Variants in KIF6 observed in about 807,000 individuals in gnomAD.
The protein encoded by KIF6 is kinesin family member 6.
Under a neutral mutation model 112.7 loss-of-function variants are expected in KIF6, and 106 were observed. That is an observed-to-expected ratio of 0.94 (90% CI 0.80 to 1.11). The LOEUF (loss-of-function observed/expected upper bound fraction) is 1.11, where lower values mean the gene tolerates loss of function less well. KIF6 is among the 50% of genes least tolerant of loss of function. The pLI, the probability that KIF6 is intolerant of heterozygous loss-of-function variation, is 0.00. For synonymous variants in KIF6, 339 were observed against 339.9 expected (o/e 1.00, Z 0.03); for missense variants, 929 against 964.0 (o/e 0.96, Z 0.48).
intron 15 of KIF6, among the ~76,000 whole-genome samples, chr6:39,403,621 C>A (rs1400894457): frequency 1.3e-5 from 2 of 152,204 alleles, no homozygotes; most frequent in Non-Finnish European, 2.9e-5. Flanking sequence ...CAAACATCTG[C>A]ATACAAGTTT....
intron 3 of KIF6, among the ~76,000 whole-genome samples, chr6:39,685,528 A>G (rs1269804386): frequency 2.6e-5 from 4 of 152,246 alleles, no homozygotes; most frequent in Non-Finnish European, 4.4e-5. Context: ...TGAACATACC[A>G]GAGAAGCGTA....
At chr6:39,546,868 C>T (rs142126711) in intron 10 of KIF6, among the ~76,000 whole-genome samples, 22 of 151,558 alleles carry the variant, frequency 1.5e-4, no homozygotes, top group Non-Finnish European at 2.9e-4. Flanking sequence ...CATAGCACCA[C>T]GTGCCAATGT....
chr6:39,396,636 C>T (rs1430884409), intron 15 of KIF6, among the ~76,000 whole-genome samples: 2 of 152,138 alleles, frequency 1.3e-5, no homozygotes, highest in African/African-American at 4.8e-5. Context: ...TGACCCTAGG[C>T]TACTTAATCC....
chr6:39,460,536 T>TAAAAAAAAAAA (rs759528125), intron 13 of KIF6, among the ~76,000 whole-genome samples: 36 of 57,074 alleles, frequency 6.3e-4, no homozygotes, highest in Non-Finnish European at 8.2e-4. Context: ...AAAAAAAAAG[T>TAAAAAAAAAAA]AAAAAAAAAA....
At chr6:39,688,971 C>T (rs921656490) in intron 3 of KIF6, among the ~76,000 whole-genome samples, 1 of 151,952 alleles carries the variant, frequency 6.6e-6, no homozygotes, top group South Asian at 2.1e-4. Flanking sequence ...GTGTGTGCCA[C>T]CACATCTGGA....
intron 13 of KIF6, among the ~76,000 whole-genome samples, chr6:39,528,174 G>A (rs774747762): frequency 6.6e-6 from 1 of 152,164 alleles, no homozygotes; most frequent in Middle Eastern, 3.4e-3. Flanking sequence ...CTTTGAGTTC[G>A]ATTGTTTTAG....
chr6:39,465,868 CA>C (rs1456273491), intron 13 of KIF6, among the ~76,000 whole-genome samples: 1 of 152,182 alleles, frequency 6.6e-6, no homozygotes, highest in Non-Finnish European at 1.5e-5. Context: ...CCTTATTCCT[CA>C]AATCCTCTTC....
chr6:39,474,012 C>T (rs1774285257), intron 13 of KIF6, among the ~76,000 whole-genome samples: 1 of 152,132 alleles, frequency 6.6e-6, no homozygotes, highest in African/African-American at 2.4e-5. Flanking sequence ...AAAATCCGAT[C>T]CCCGAAAATA....
intron 15 of KIF6, among the ~76,000 whole-genome samples, chr6:39,406,971 G>C (rs1769133103): frequency 6.6e-6 from 1 of 152,030 alleles, no homozygotes; most frequent in Admixed American, 6.6e-5. Flanking sequence ...TGCTCAGGCT[G>C]GTCTTGAACT....
chr6:39,513,266 G>A (rs571356258), intron 13 of KIF6, among the ~76,000 whole-genome samples: 2 of 152,288 alleles, frequency 1.3e-5, no homozygotes, highest in East Asian at 3.9e-4. Context: ...ATCTGCATCA[G>A]CTTCCTCCTT....
chr6:39,362,482 T>A lies in KIF6; in HGVS notation c.1898A>T (p.Asp633Val), dbSNP rs1237539730. 11 of 1,613,980 alleles carry A rather than the reference T, an allele frequency of 6.8e-6. No individual in the cohort carries two copies. The highest frequency in any genetic ancestry group is 9.3e-6 in the Non-Finnish European group (11 of 1,179,992). ...SENMAVPLMP[D>V]QQEEKLRSQL... ...TGATCGCAGCTTCTCCTCCTGCTGGTCTGGCATCAGAGGCACGGCCATGTT... is the reference window on the plus strand; with the variant it reads ...TGATCGCAGCTTCTCCTCCTGCTGGACTGGCATCAGAGGCACGGCCATGTT... Residue 633 changes from aspartate (D) to valine (V), a missense_variant, in exon 17 of 23, where the codon GAC (aspartate) becomes GTC (valine). Coordinates refer to ENST00000287152, the MANE Select transcript of KIF6 (RefSeq NM_145027.6).
chr6:39,546,753 G>C (rs754275022), intron 10 of KIF6, among the ~76,000 whole-genome samples: 22 of 151,558 alleles, frequency 1.5e-4, no homozygotes, highest in African/African-American at 5.3e-4. Flanking sequence ...TTGAACCCAG[G>C]AGGCAGAGGT....
At chr6:39,432,005 C>A (rs371986313) in intron 13 of KIF6, among the ~76,000 whole-genome samples, 1 of 151,964 alleles carries the variant, frequency 6.6e-6, no homozygotes, top group East Asian at 1.9e-4. Flanking sequence ...GCCTGGGAGG[C>A]CTTTTCTCAT....
intron 9 of KIF6, among the ~76,000 whole-genome samples, chr6:39,582,802 G>A (rs980320307): frequency 6.6e-6 from 1 of 152,136 alleles, no homozygotes; most frequent in Admixed American, 6.5e-5. Context: ...TAAGACATAG[G>A]AAATGCCACC....
chr6:39,563,112 G>A (rs1050612518), intron 10 of KIF6, among the ~76,000 whole-genome samples: 8 of 152,178 alleles, frequency 5.3e-5, no homozygotes, highest in African/African-American at 7.2e-5. Context: ...GCAGGGGTGC[G>A]CACCTGTAGT....
chr6:39,544,919 A>C (rs1029786550), intron 11 of KIF6, among the ~76,000 whole-genome samples: 1 of 151,288 alleles, frequency 6.6e-6, no homozygotes, highest in African/African-American at 2.4e-5. Flanking sequence ...TCCCCATCTT[A>C]TCTCTCCTTC....
chr6:39,353,030 T>G (rs61257364), intron 19 of KIF6, among the ~76,000 whole-genome samples: 22,302 of 147,162 alleles, frequency 0.15, 1,936 homozygotes, highest in East Asian at 0.36. Context: ...TCATATTCTG[T>G]TTTTTTTTGT....
chr6:39,473,161 C>T (rs1273056216), intron 13 of KIF6, among the ~76,000 whole-genome samples: 7 of 152,042 alleles, frequency 4.6e-5, no homozygotes, highest in Non-Finnish European at 8.8e-5. Flanking sequence ...GCTGGGATTA[C>T]AGGCGTGAGC....
intron 3 of KIF6, among the ~76,000 whole-genome samples, chr6:39,640,478 T>C (rs1784845172): frequency 6.6e-6 from 1 of 152,112 alleles, no homozygotes; most frequent in Admixed American, 6.6e-5. Flanking sequence ...CAGTAAACTT[T>C]TGTAGCTTTA....
Sources: allele counts gnomAD v4.1 joint callset (sites outside exome capture counted in the v4.1 genomes callset), GRCh38; gene constraint gnomAD v4.1.1; transcripts MANE v1.5; gene names NCBI Gene and HGNC (gene_info 2026-07-23, HGNC 2026-07-21).